Variants in LRP1B observed in about 807,000 individuals in gnomAD.
The protein encoded by LRP1B is LDL receptor related protein 1B.
In LRP1B, 217 loss-of-function variants were observed where a neutral mutation model predicts 556.6. The observed-to-expected ratio is 0.39, with a 90% CI of 0.35 to 0.44. LRP1B has a LOEUF of 0.44. LRP1B is among the 20% of genes least tolerant of loss of function. The pLI, the probability that LRP1B is intolerant of heterozygous loss-of-function variation, is 1.00. For missense variants in LRP1B, 5,053 were observed against 5,620.8 expected (o/e 0.90, Z 3.23); for synonymous variants, 2,047 against 1,865.8 (o/e 1.10, Z -2.50).
intron 1 of LRP1B, among the ~76,000 whole-genome samples, chr2:142,110,231 T>C (rs1434755453): frequency 1.3e-5 from 2 of 152,032 alleles, no homozygotes; most frequent in African/African-American, 4.8e-5. Flanking sequence ...AAAAGTAAAA[T>C]AGATGGTCCT....
intron 7 of LRP1B, among the ~76,000 whole-genome samples, chr2:141,175,598 G>A (rs1465851715): frequency 2.0e-5 from 3 of 152,158 alleles, no homozygotes; most frequent in East Asian, 1.9e-4. Context: ...ACGTTTGGAT[G>A]TCCAGGCAGA....
At chr2:140,717,856 A>G (rs759686862) in intron 35 of LRP1B, among the ~76,000 whole-genome samples, 6 of 152,138 alleles carry the variant, frequency 3.9e-5, no homozygotes, top group Non-Finnish European at 5.9e-5. Context: ...TTACCAGTTC[A>G]GGAAAAGATT....
chr2:141,874,238 G>T (rs1462652124), intron 1 of LRP1B, among the ~76,000 whole-genome samples: 2 of 151,532 alleles, frequency 1.3e-5, no homozygotes, highest in East Asian at 3.9e-4. Flanking sequence ...AATCCAATGA[G>T]TTTTTGCATT....
chr2:141,239,661 C>T (rs572011430), intron 5 of LRP1B, among the ~76,000 whole-genome samples: 4 of 151,832 alleles, frequency 2.6e-5, no homozygotes, highest in Non-Finnish European at 5.9e-5. Flanking sequence ...GAAGATGGAG[C>T]GATTAGTTCT....
intron 2 of LRP1B, among the ~76,000 whole-genome samples, chr2:141,789,327 A>G (rs959872251): frequency 6.6e-6 from 1 of 152,040 alleles, no homozygotes; most frequent in South Asian, 2.1e-4. Flanking sequence ...ATATCTTCAC[A>G]TGACGAGAAC....
intron 41 of LRP1B, among the ~76,000 whole-genome samples, chr2:140,663,922 C>T (rs1685180542): frequency 6.6e-6 from 1 of 152,034 alleles, no homozygotes; most frequent in Non-Finnish European, 1.5e-5. Context: ...ACACTTGAGA[C>T]TGCTGTAGGT....
intron 2 of LRP1B, among the ~76,000 whole-genome samples, chr2:141,685,485 C>T: frequency 6.6e-6 from 1 of 151,994 alleles, no homozygotes; most frequent in Non-Finnish European, 1.5e-5. Context: ...GAGTAATGCC[C>T]ACCCTCAAAT....
At chr2:142,123,512 T>C (rs1443259689) in intron 1 of LRP1B, among the ~76,000 whole-genome samples, 2 of 151,960 alleles carry the variant, frequency 1.3e-5, no homozygotes, top group East Asian at 3.9e-4. Flanking sequence ...AATACCTGTC[T>C]TTGGTCTGAA....
At position 141,419,452 on chromosome 2, in the gene LRP1B, T is replaced by C. The variant is rs115270483; in HGVS notation, c.343+60944A>G. On this transcript the variant is annotated intron_variant, in intron 3 of 90. Coordinates refer to ENST00000389484, the MANE Select transcript of LRP1B (RefSeq NM_018557.3). ...AGATTTTTTGATTACTGATTAAATC[T>C]TACTGGTCATAGATCTGTTCAGACT... 7.7e-3 allele frequency among the ~76,000 whole-genome samples: 1,170 copies of C among 152,282 alleles called. 16 individuals are homozygous for C. Among genetic ancestry groups the C allele is most frequent in the African/African-American group, 0.027 (1,102 of 41,570 alleles).
intron 15 of LRP1B, among the ~76,000 whole-genome samples, chr2:140,997,716 G>A (rs1185901712): frequency 6.6e-6 from 1 of 151,704 alleles, no homozygotes; most frequent in Non-Finnish European, 1.5e-5. Flanking sequence ...TCTTCATTTT[G>A]GGCATCCAGA....
At chr2:141,822,582 C>T (rs903827812) in intron 1 of LRP1B, among the ~76,000 whole-genome samples, 28 of 152,140 alleles carry the variant, frequency 1.8e-4, no homozygotes, top group African/African-American at 6.3e-4. Flanking sequence ...GATGGTTAGA[C>T]TTTGGCTCTT....
At chr2:140,402,482 C>T (rs543013859) in intron 66 of LRP1B, among the ~76,000 whole-genome samples, 2 of 152,296 alleles carry the variant, frequency 1.3e-5, no homozygotes, top group African/African-American at 2.4e-5. Context: ...GGAGGAGCAC[C>T]GCACAGATTC....
chr2:141,690,581 G>A (rs117682936), intron 2 of LRP1B, among the ~76,000 whole-genome samples: 3,868 of 150,462 alleles, frequency 0.026, 119 homozygotes, highest in South Asian at 0.14. Flanking sequence ...GAAATATAAT[G>A]TTAGATAATA....
At chr2:140,524,780 A>G (rs1186573864) in intron 49 of LRP1B, among the ~76,000 whole-genome samples, 1 of 151,842 alleles carries the variant, frequency 6.6e-6, no homozygotes. Flanking sequence ...AACAATAGAT[A>G]CTGGGGACTC....
intron 5 of LRP1B, among the ~76,000 whole-genome samples, chr2:141,231,430 C>T (rs890732974): frequency 6.6e-6 from 1 of 151,976 alleles, no homozygotes; most frequent in African/African-American, 2.4e-5. Context: ...AGGGGTGGTG[C>T]CAGGTTCAAG....
chr2:140,525,454 C>T (rs1690390568), intron 49 of LRP1B, among the ~76,000 whole-genome samples: 1 of 151,860 alleles, frequency 6.6e-6, no homozygotes, highest in African/African-American at 2.4e-5. Context: ...TGCATTAAAA[C>T]ATTGCTGTAC....
chr2:140,404,663 C>T (rs1013299454), intron 66 of LRP1B, among the ~76,000 whole-genome samples: 2 of 152,086 alleles, frequency 1.3e-5, no homozygotes, highest in Non-Finnish European at 2.9e-5. Context: ...AATCACTAAA[C>T]AAGTATCTGT....
intron 7 of LRP1B, among the ~76,000 whole-genome samples, chr2:141,166,902 C>T (rs1238754811): frequency 1.3e-5 from 2 of 151,794 alleles, no homozygotes; most frequent in African/African-American, 4.8e-5. Flanking sequence ...TTCTGAAATA[C>T]ATTTTTTCTA....
intron 2 of LRP1B, among the ~76,000 whole-genome samples, chr2:141,510,893 CACACACACACACACA>C (rs1383555867): frequency 7.8e-5 from 2 of 25,656 alleles, no homozygotes; most frequent in East Asian, 2.7e-3. Flanking sequence ...CACACACACA[CACACACACACACACA>C]CCCCACACAA....
Sources: gnomAD v4.1 joint callset for allele counts (sites outside exome capture counted in the v4.1 genomes callset) on GRCh38, gnomAD v4.1.1 for gene constraint, MANE v1.5 for transcripts, NCBI Gene and HGNC (gene_info 2026-07-23, HGNC 2026-07-21) for gene names.